SGCZ: variants seen among roughly 807,000 people sequenced by gnomAD.
SGCZ encodes the protein zeta-sarcoglycan.
SGCZ carries 40 observed loss-of-function variants against 41.3 expected under a neutral mutation model. That is an observed-to-expected ratio of 0.97 (90% CI 0.75 to 1.26). SGCZ has a LOEUF of 1.26. Among genes scored for constraint, SGCZ ranks in the 50% most tolerant of loss-of-function variants. SGCZ has a pLI of 0.00. For missense variants in SGCZ, 552 were observed against 369.8 expected, an observed-to-expected ratio of 1.49 and a Z score of -4.04; for synonymous variants, 206 against 137.5, an observed-to-expected ratio of 1.50 and a Z score of -3.49.
chr8:15,074,645 G>A (rs1467641813), intron 1 of SGCZ, among the ~76,000 whole-genome samples: 1 of 151,846 alleles, frequency 6.6e-6, no homozygotes, highest in African/African-American at 2.4e-5. Flanking sequence ...AAATTTACCT[G>A]TCGTTTATTC....
At chr8:14,763,300 G>T (rs371777616) in intron 1 of SGCZ, among the ~76,000 whole-genome samples, 12 of 152,110 alleles carry the variant, frequency 7.9e-5, no homozygotes, top group African/African-American at 2.7e-4. Flanking sequence ...AAGCAGTTCA[G>T]TGTTTTTTCA....
intron 2 of SGCZ, among the ~76,000 whole-genome samples, chr8:14,471,959 C>A (rs761152430): frequency 1.4e-4 from 21 of 151,942 alleles, no homozygotes; most frequent in Non-Finnish European, 1.6e-4. Flanking sequence ...GTTATATAAG[C>A]TGAATTTCCG....
Position 14,151,473 on chromosome 8 carries a change from T to C in SGCZ, c.547+13107A>G, listed in dbSNP as rs190581049. On this transcript the variant is annotated intron_variant, in intron 5 of 7. Coordinates refer to ENST00000382080, the MANE Select transcript of SGCZ (RefSeq NM_139167.4). ...AGTAAGTGAAAAGACATAACATTTT[T>C]ATAGATCAGAGGATTCAATATAGTA... Among the ~76,000 whole-genome samples the C allele has an allele frequency of 6.2e-3, 946 of 152,198 alleles. 6 individuals carry two copies. The highest frequency in any genetic ancestry group is 0.022 in the African/African-American group (900 of 41,560).
chr8:15,012,236 G>A (rs982604029), intron 1 of SGCZ, among the ~76,000 whole-genome samples: 1 of 151,902 alleles, frequency 6.6e-6, no homozygotes, highest in Non-Finnish European at 1.5e-5. Flanking sequence ...GATGAGGTGG[G>A]AGGATCACTT....
intron 2 of SGCZ, among the ~76,000 whole-genome samples, chr8:14,358,526 G>C (rs181099489): frequency 1.2e-4 from 19 of 152,058 alleles, no homozygotes; most frequent in African/African-American, 4.1e-4. Context: ...TTATTAAACA[G>C]GTTATTAAAA....
At chr8:14,885,794 G>A (rs1804764114) in intron 1 of SGCZ, among the ~76,000 whole-genome samples, 2 of 151,418 alleles carry the variant, frequency 1.3e-5, no homozygotes, top group Admixed American at 6.6e-5. Flanking sequence ...ATCTTTGAGG[G>A]GTTTTGTTGT....
chr8:14,534,467 T>G (rs1421594501), intron 2 of SGCZ, among the ~76,000 whole-genome samples: 1 of 152,074 alleles, frequency 6.6e-6, no homozygotes, highest in Non-Finnish European at 1.5e-5. Context: ...ACCTTCACTC[T>G]TTCCTTTATC....
intron 2 of SGCZ, among the ~76,000 whole-genome samples, chr8:14,544,726 C>T (rs1382474868): frequency 6.6e-6 from 1 of 152,100 alleles, no homozygotes; most frequent in Admixed American, 6.6e-5. Context: ...CTCTTGAACC[C>T]TGTTTTCTGT....
intron 2 of SGCZ, among the ~76,000 whole-genome samples, chr8:14,353,872 T>A (rs1803191705): frequency 6.6e-6 from 1 of 152,132 alleles, no homozygotes; most frequent in Non-Finnish European, 1.5e-5. Flanking sequence ...TATGTTCATC[T>A]GCTTTCAGAA....
At chr8:14,760,616 T>A (rs1344192502) in intron 1 of SGCZ, among the ~76,000 whole-genome samples, 1 of 152,190 alleles carries the variant, frequency 6.6e-6, no homozygotes, top group Non-Finnish European at 1.5e-5. Flanking sequence ...CAGTTTAAAG[T>A]GAATCATTAA....
intron 4 of SGCZ, among the ~76,000 whole-genome samples, chr8:14,189,514 T>C (rs180716599): frequency 6.6e-6 from 1 of 152,342 alleles, no homozygotes; most frequent in East Asian, 1.9e-4. Context: ...CACAGGCTTT[T>C]ACACTTTCTG....
intron 1 of SGCZ, among the ~76,000 whole-genome samples, chr8:15,202,843 G>A (rs941421904): frequency 7.2e-5 from 11 of 152,088 alleles, no homozygotes; most frequent in African/African-American, 2.2e-4. Context: ...GGGCCTGGTG[G>A]CTCACACCTA....
chr8:14,853,869 A>C (rs1247455851), intron 1 of SGCZ, among the ~76,000 whole-genome samples: 1 of 151,864 alleles, frequency 6.6e-6, no homozygotes, highest in Non-Finnish European at 1.5e-5. Context: ...CAATGCTTTC[A>C]CATGACTACA....
chr8:14,950,491 T>C (rs1196232600), intron 1 of SGCZ, among the ~76,000 whole-genome samples: 4 of 152,062 alleles, frequency 2.6e-5, no homozygotes, highest in Non-Finnish European at 2.9e-5. Context: ...GACCAAGCAC[T>C]GAATATCTTT....
intron 1 of SGCZ, among the ~76,000 whole-genome samples, chr8:14,908,335 A>T (rs1250072014): frequency 6.6e-6 from 1 of 152,186 alleles, no homozygotes; most frequent in Non-Finnish European, 1.5e-5. Flanking sequence ...ACAAATATTT[A>T]CCTAGTGGCC....
At chr8:14,162,300 A>T (rs1841906) in intron 5 of SGCZ, among the ~76,000 whole-genome samples, 28,006 of 152,040 alleles carry the variant, frequency 0.18, 3,396 homozygotes, top group East Asian at 0.64. Context: ...CGGAATATGG[A>T]TTAAATAAAT....
rs1336931893 is a variant in SGCZ, at chr8:14,153,942, C to CAG, written c.547+10637_547+10638insCT. 5.7e-3 allele frequency among the ~76,000 whole-genome samples: 456 copies of CAG among 80,280 alleles called. 2 individuals are homozygous for CAG. Among genetic ancestry groups the CAG allele is most frequent in the Non-Finnish European group, 7.4e-3 (357 of 48,410 alleles). The allele number at this position is 80,280 out of a possible 152,430, so 52.7% of individuals were successfully genotyped here. The stretch of plus-strand genomic sequence containing the variant: ...TCTCTCTCACACACACACACACAGA[C>CAG]ACACACACACACACACACATATATA... On this transcript the variant is annotated intron_variant, in intron 5 of 7. Transcript: ENST00000382080.
chr8:14,600,087 T>C (rs1805537900), intron 1 of SGCZ, among the ~76,000 whole-genome samples: 2 of 152,186 alleles, frequency 1.3e-5, no homozygotes, highest in African/African-American at 4.8e-5. Flanking sequence ...AACCTCATTT[T>C]ATCCCATCTA....
chr8:14,702,368 T>A (rs1300521180), intron 1 of SGCZ, among the ~76,000 whole-genome samples: 5 of 151,910 alleles, frequency 3.3e-5, no homozygotes, highest in African/African-American at 4.8e-5. Flanking sequence ...CCACACACTC[T>A]TCTTAAGTGA....
Sources: allele counts gnomAD v4.1 joint callset (sites outside exome capture counted in the v4.1 genomes callset), GRCh38; gene constraint gnomAD v4.1.1; transcripts MANE v1.5; gene names NCBI Gene and HGNC (gene_info 2026-07-23, HGNC 2026-07-21).